QTMAN: variants seen among roughly 807,000 people sequenced by gnomAD.
QTMAN encodes the protein queuosine-tRNA mannosyltransferase.
chr2:144,245,558 T>G, the QTMAN span, among the ~76,000 whole-genome samples: 1 of 152,206 alleles, frequency 6.6e-6, no homozygotes, highest in Non-Finnish European at 1.5e-5. Flanking sequence ...AATGACAATA[T>G]AAGATATATA....
At chr2:144,017,161 C>G in the QTMAN span, among the ~76,000 whole-genome samples, 3 of 151,886 alleles carry the variant, frequency 2.0e-5, no homozygotes, top group African/African-American at 4.8e-5. Flanking sequence ...TGCACCACCA[C>G]GTCCAGCTAA....
the QTMAN span, among the ~76,000 whole-genome samples, chr2:144,124,174 T>G: frequency 6.6e-6 from 1 of 152,092 alleles, no homozygotes; most frequent in Non-Finnish European, 1.5e-5. Context: ...CCCAGAATGT[T>G]CCTATAGCCA....
At chr2:144,092,852 GAATA>G in the QTMAN span, among the ~76,000 whole-genome samples, 105 of 145,406 alleles carry the variant, frequency 7.2e-4, no homozygotes, top group African/African-American at 2.4e-3. Flanking sequence ...AAGACAAGTT[GAATA>G]AATAAACTTT....
At chr2:144,320,854 T>G in the QTMAN span, among the ~76,000 whole-genome samples, 1 of 152,302 alleles carries the variant, frequency 6.6e-6, no homozygotes, top group East Asian at 1.9e-4. Flanking sequence ...AACACTCCTC[T>G]TGGCTTCCAC....
At chr2:144,140,286 A>G in the QTMAN span, among the ~76,000 whole-genome samples, 1 of 152,044 alleles carries the variant, frequency 6.6e-6, no homozygotes, top group South Asian at 2.1e-4. Context: ...TATTAAACAT[A>G]TGATGTTGCA....
chr2:144,043,983 G>C, the QTMAN span, among the ~76,000 whole-genome samples: 1 of 152,166 alleles, frequency 6.6e-6, no homozygotes, highest in Admixed American at 6.5e-5. Flanking sequence ...TGGAGCAGGA[G>C]ACAGGTTATT....
the QTMAN span, among the ~76,000 whole-genome samples, chr2:144,079,023 C>T: frequency 6.6e-6 from 1 of 152,140 alleles, no homozygotes; most frequent in African/African-American, 2.4e-5. Flanking sequence ...GTACTGCTAT[C>T]TTTTAAACAC....
chr2:144,250,371 TG>T, the QTMAN span, among the ~76,000 whole-genome samples: 3 of 152,154 alleles, frequency 2.0e-5, no homozygotes, highest in East Asian at 1.9e-4. Context: ...CTTGCACTCC[TG>T]AACTCATGTG....
chr2:144,095,293 T>C, the QTMAN span, among the ~76,000 whole-genome samples: 1 of 152,208 alleles, frequency 6.6e-6, no homozygotes, highest in African/African-American at 2.4e-5. Context: ...ATTGCATTTT[T>C]TATAATACCA....
the QTMAN span, chr2:144,208,641 T>C: frequency 6.9e-3 from 11,092 of 1,613,788 alleles, 674 homozygotes; most frequent in African/African-American, 0.13. Flanking sequence ...GAGAGAAATA[T>C]AAAGCAGATG....
the QTMAN span, among the ~76,000 whole-genome samples, chr2:144,066,542 G>A: frequency 3.9e-5 from 6 of 152,362 alleles, no homozygotes; most frequent in African/African-American, 7.2e-5. Context: ...CTGGCCAGGC[G>A]CAGCGGCTTA....
At chr2:144,108,277 A>G in the QTMAN span, among the ~76,000 whole-genome samples, 1 of 152,204 alleles carries the variant, frequency 6.6e-6, no homozygotes, top group South Asian at 2.1e-4. Flanking sequence ...GGAGAAAGAA[A>G]TAAAGGGTAT....
chr2:144,033,672 G>A, the QTMAN span, among the ~76,000 whole-genome samples: 1 of 152,128 alleles, frequency 6.6e-6, no homozygotes, highest in Non-Finnish European at 1.5e-5. Flanking sequence ...TGTGGGTGGG[G>A]CCAAAAGTTC....
chr2:144,239,515 T>C, the QTMAN span, among the ~76,000 whole-genome samples: 1,747 of 151,558 alleles, frequency 0.012, 32 homozygotes, highest in African/African-American at 0.04. Flanking sequence ...GGGAGGGGAG[T>C]TGACCCATTC....
At chr2:144,253,545 G>A in the QTMAN span, among the ~76,000 whole-genome samples, 1 of 152,156 alleles carries the variant, frequency 6.6e-6, no homozygotes, top group Non-Finnish European at 1.5e-5. Flanking sequence ...GGTGGTCTCA[G>A]ATGGAGATGA....
the QTMAN span, among the ~76,000 whole-genome samples, chr2:144,299,465 T>C: frequency 6.6e-6 from 1 of 152,242 alleles, no homozygotes; most frequent in Admixed American, 6.5e-5. Context: ...ACTCTATTAA[T>C]GGCGTATTCT....
the QTMAN span, among the ~76,000 whole-genome samples, chr2:143,960,942 A>G: frequency 6.6e-6 from 1 of 152,138 alleles, no homozygotes; most frequent in Non-Finnish European, 1.5e-5. Flanking sequence ...TTAAGTCTGC[A>G]TTTTAAAAGC....
the QTMAN span, among the ~76,000 whole-genome samples, chr2:144,241,118 G>C: frequency 6.6e-6 from 1 of 152,320 alleles, no homozygotes; most frequent in East Asian, 1.9e-4. Flanking sequence ...GGTTCTCGAA[G>C]TGTGGTCCCT....
At chr2:144,115,503 G>C in the QTMAN span, among the ~76,000 whole-genome samples, 1 of 152,136 alleles carries the variant, frequency 6.6e-6, no homozygotes, top group Non-Finnish European at 1.5e-5. Context: ...CTAAATGTAG[G>C]CAAGGGCCAG....
Sources: allele counts gnomAD v4.1 joint callset (sites outside exome capture counted in the v4.1 genomes callset), GRCh38; gene constraint gnomAD v4.1.1; transcripts MANE v1.5; gene names NCBI Gene and HGNC (gene_info 2026-07-23, HGNC 2026-07-21).